NR6A1: variants seen among roughly 807,000 people sequenced by gnomAD.
NR6A1 encodes the protein retinoic acid receptor-related testis-associated receptor.
A neutral mutation model predicts 59.1 loss-of-function variants in NR6A1; 7 were observed. The ratio of observed to expected loss-of-function variants is 0.12; its 90% CI spans 0.07 to 0.22. The LOEUF (loss-of-function observed/expected upper bound fraction) is 0.22, where lower values mean the gene tolerates loss of function less well. NR6A1 is among the 10% of genes least tolerant of loss of function. NR6A1 has a pLI of 1.00. For synonymous variants in NR6A1, 243 were observed against 236.1 expected (o/e 1.03, Z -0.27); for missense variants, 468 against 611.6 (o/e 0.77, Z 2.48).
intron 7 of NR6A1, among the ~76,000 whole-genome samples, chr9:124,530,486 C>T (rs941908875): frequency 6.6e-6 from 1 of 152,212 alleles, no homozygotes; most frequent in Admixed American, 6.5e-5. Context: ...GCATTCAAAG[C>T]CAGAAAGTTG....
intron 2 of NR6A1, among the ~76,000 whole-genome samples, chr9:124,647,358 T>A (rs1334915687): frequency 6.6e-6 from 1 of 152,172 alleles, no homozygotes; most frequent in African/African-American, 2.4e-5. Flanking sequence ...GAGACTATTA[T>A]GAACAACTAA....
At chr9:124,607,619 G>C (rs1041607089) in intron 2 of NR6A1, among the ~76,000 whole-genome samples, 1 of 152,080 alleles carries the variant, frequency 6.6e-6, no homozygotes, top group East Asian at 1.9e-4. Context: ...TAGGTTGTTA[G>C]CATTACCTAC....
At chr9:124,611,207 G>A (rs1467093101) in intron 2 of NR6A1, among the ~76,000 whole-genome samples, 1 of 151,334 alleles carries the variant, frequency 6.6e-6, no homozygotes, top group African/African-American at 2.4e-5. Flanking sequence ...AGGCCATTTT[G>A]GTTGAGAATG....
At chr9:124,618,265 T>A (rs549883094) in intron 2 of NR6A1, among the ~76,000 whole-genome samples, 5 of 152,238 alleles carry the variant, frequency 3.3e-5, no homozygotes, top group African/African-American at 1.2e-4. Context: ...GCGGATCACT[T>A]GAGGACAAAA....
intron 2 of NR6A1, among the ~76,000 whole-genome samples, chr9:124,615,905 G>A (rs757037815): frequency 3.9e-5 from 6 of 151,910 alleles, no homozygotes; most frequent in Non-Finnish European, 8.8e-5. Flanking sequence ...CACAATCTCC[G>A]CTCACTGCAA....
At chr9:124,724,553 A>G (rs1021339718) in intron 2 of NR6A1, among the ~76,000 whole-genome samples, 3 of 152,098 alleles carry the variant, frequency 2.0e-5, no homozygotes, top group Non-Finnish European at 1.5e-5. Flanking sequence ...AAAAAAATTC[A>G]ATCTTCAACT....
chr9:124,641,714 G>A (rs1836771767), intron 2 of NR6A1, among the ~76,000 whole-genome samples: 1 of 152,218 alleles, frequency 6.6e-6, no homozygotes, highest in African/African-American at 2.4e-5. Flanking sequence ...AGAGCTGTGG[G>A]AAATTAGTTG....
intron 2 of NR6A1, among the ~76,000 whole-genome samples, chr9:124,564,296 T>C (rs2131409738): frequency 6.6e-6 from 1 of 152,330 alleles, no homozygotes; most frequent in East Asian, 1.9e-4. Context: ...TGCTTTTCTT[T>C]TGAGACTGGA....
rs528914054 is a variant in NR6A1 at position 124,616,381 on chromosome 9, C to T, written c.143-61811G>A. Among the ~76,000 whole-genome samples, 47 of 135,940 alleles carry T rather than the reference C, an allele frequency of 3.5e-4. No individual in the cohort carries two copies. In the East Asian group the frequency reaches 9.4e-3, roughly 27 times the overall value. The allele number at this position is 135,940 out of a possible 152,430, so 89.2% of individuals were successfully genotyped here. The stretch of plus-strand genomic sequence containing the variant: ...TCGCGCCAATGCACTCCAGCCTGGG[C>T]GACAAAGCGGGACTCCATCTCAAAA... On this transcript the variant is annotated intron_variant, in intron 2 of 9. Transcript: ENST00000487099.
intron 1 of NR6A1, among the ~76,000 whole-genome samples, chr9:124,754,085 T>C (rs1840577825): frequency 6.6e-6 from 1 of 152,298 alleles, no homozygotes; most frequent in Admixed American, 6.5e-5. Context: ...AGGTGGTTCA[T>C]AACCAGCCTT....
At chr9:124,548,211 G>C (rs1833658237) in intron 3 of NR6A1, among the ~76,000 whole-genome samples, 2 of 152,228 alleles carry the variant, frequency 1.3e-5, no homozygotes, top group South Asian at 4.1e-4. Context: ...GTTAACAATT[G>C]GTGAATTTAG....
intron 1 of NR6A1, among the ~76,000 whole-genome samples, chr9:124,745,811 C>G (rs1271195303): frequency 6.6e-6 from 1 of 150,932 alleles, no homozygotes; most frequent in Non-Finnish European, 1.5e-5. Context: ...GAAACTCCAT[C>G]TCTACTAAAA....
At position 124,739,298 on chromosome 9, in the gene NR6A1, T is replaced by C. The variant is rs551777035; in HGVS notation, c.101-5949A>G. Among the ~76,000 whole-genome samples the C allele has an allele frequency of 5.3e-5, 8 of 152,300 alleles. 1 individual carries two copies. In the South Asian group the frequency reaches 1.7e-3, roughly 32 times the overall value. ...ACTACTCCAAACCCATGTCTTGGAATGAGGATAAAAATAACCATCACATTC... is the reference window on the plus strand; with the variant it reads ...ACTACTCCAAACCCATGTCTTGGAACGAGGATAAAAATAACCATCACATTC... On this transcript the variant is annotated intron_variant, in intron 1 of 9. Coordinates refer to ENST00000487099, the MANE Select transcript of NR6A1 (RefSeq NM_033334.4).
chr9:124,574,563 A>G (rs1834535985), intron 2 of NR6A1, among the ~76,000 whole-genome samples: 1 of 152,208 alleles, frequency 6.6e-6, no homozygotes, highest in Non-Finnish European at 1.5e-5. Context: ...GTCTTAATAT[A>G]ATCTGTGAAC....
chr9:124,762,813 A>G (rs571855668), intron 1 of NR6A1, among the ~76,000 whole-genome samples: 6 of 152,194 alleles, frequency 3.9e-5, no homozygotes, highest in East Asian at 3.8e-4. Context: ...ATCGAAAATC[A>G]TATTTATTTC....
chr9:124,641,062 C>T (rs1287921907), intron 2 of NR6A1, among the ~76,000 whole-genome samples: 1 of 152,064 alleles, frequency 6.6e-6, no homozygotes, highest in Non-Finnish European at 1.5e-5. Context: ...ATAAATAAAA[C>T]ACAAAGTCGC....
chr9:124,532,459 G>A (rs746867385), intron 7 of NR6A1, among the ~76,000 whole-genome samples: 2 of 152,188 alleles, frequency 1.3e-5, no homozygotes, highest in African/African-American at 2.4e-5. Flanking sequence ...ACTGTAAGCT[G>A]TATCTGCTTC....
At chr9:124,663,414 G>A (rs1448379998) in intron 2 of NR6A1, among the ~76,000 whole-genome samples, 1 of 152,182 alleles carries the variant, frequency 6.6e-6, no homozygotes, top group East Asian at 1.9e-4. Context: ...CAAGTGAACA[G>A]GGGCTGGAAT....
chr9:124,590,092 C>CAAAAAAAAAAAAAAAAAAAAA (rs1327869115), intron 2 of NR6A1, among the ~76,000 whole-genome samples: 1 of 64,800 alleles, frequency 1.5e-5, no homozygotes, highest in African/African-American at 5.1e-5. Flanking sequence ...AAAAAAAAAG[C>CAAAAAAAAAAAAAAAAAAAAA]AAAGCTAGTC....
Sources: gnomAD v4.1 joint callset for allele counts (sites outside exome capture counted in the v4.1 genomes callset) on GRCh38, gnomAD v4.1.1 for gene constraint, MANE v1.5 for transcripts, NCBI Gene and HGNC (gene_info 2026-07-23, HGNC 2026-07-21) for gene names.